Variants in NSD1 observed in about 807,000 individuals in gnomAD.
The protein encoded by NSD1 is nuclear receptor binding SET domain protein 1.
Under a neutral mutation model 242.7 loss-of-function variants are expected in NSD1, and 26 were observed. The observed-to-expected ratio is 0.11, with a 90% CI of 0.08 to 0.15. The LOEUF (loss-of-function observed/expected upper bound fraction) is 0.15. NSD1 is among the 10% of genes least tolerant of loss of function. The pLI is 1.00. For missense variants in NSD1, 2,495 were observed against 3,272.8 expected, an observed-to-expected ratio of 0.76 and a Z score of 5.80; for synonymous variants, 1,106 against 1,178.1, an observed-to-expected ratio of 0.94 and a Z score of 1.25.
intron 2 of NSD1, among the ~76,000 whole-genome samples, chr5:177,144,857 G>T (rs1429524629): frequency 6.6e-6 from 1 of 151,994 alleles, no homozygotes; most frequent in Non-Finnish European, 1.5e-5. Context: ...TGAGGGGGTG[G>T]ATTATCTGAG....
At chr5:177,158,294 TTTCTTTCTTTTC>T (rs1562130663) in intron 2 of NSD1, among the ~76,000 whole-genome samples, 4 of 23,688 alleles carry the variant, frequency 1.7e-4, no homozygotes, top group African/African-American at 1.1e-3. Context: ...TCTTTCTTTC[TTTCTTTCTTTTC>T]TTTCTTTTCT....
chr5:177,149,144 C>T (rs1258455862), intron 2 of NSD1, among the ~76,000 whole-genome samples: 1 of 152,132 alleles, frequency 6.6e-6, no homozygotes, highest in Non-Finnish European at 1.5e-5. Flanking sequence ...TATGCATCCT[C>T]ACCAGCATTT....
At chr5:177,222,850 A>G (rs1764345718) in intron 5 of NSD1, among the ~76,000 whole-genome samples, 1 of 152,166 alleles carries the variant, frequency 6.6e-6, no homozygotes, top group Non-Finnish European at 1.5e-5. Flanking sequence ...GTTTGATCAT[A>G]TACCTTGAAT....
At chr5:177,235,218 G>A (rs2149882922) in intron 5 of NSD1, among the ~76,000 whole-genome samples, 1 of 152,150 alleles carries the variant, frequency 6.6e-6, no homozygotes, top group Admixed American at 6.5e-5. Flanking sequence ...GCTTTCTTAT[G>A]GTTCACTGTA....
rs548121758 is a variant in NSD1 at position 177,250,920 on chromosome 5, G to A, written c.4642-810G>A. On this transcript the variant is annotated intron_variant, in intron 11 of 22. Coordinates refer to ENST00000439151, the MANE Select transcript of NSD1 (RefSeq NM_022455.5). ...CTTTAAAAATATTTGGGCTGGGTGC[G>A]GTGGCTCACACCTGTAATCCCAGCA... Among the ~76,000 whole-genome samples the A allele has an allele frequency of 6.6e-5, 10 of 152,230 alleles. No individual in the cohort carries two copies. The South Asian group carries it at 1.9e-3, about 28-fold the overall frequency.
intron 20 of NSD1, among the ~76,000 whole-genome samples, chr5:177,284,817 A>G (rs1759175988): frequency 6.6e-6 from 1 of 152,188 alleles, no homozygotes; most frequent in African/African-American, 2.4e-5. Flanking sequence ...TTAAAAATAA[A>G]CCACTGGGTG....
At chr5:177,159,129 G>A (rs79783243) in intron 2 of NSD1, among the ~76,000 whole-genome samples, 12 of 149,440 alleles carry the variant, frequency 8.0e-5, no homozygotes, top group African/African-American at 2.5e-4. Flanking sequence ...GGCAGCCTCC[G>A]CCTCCGGGGT....
intron 2 of NSD1, among the ~76,000 whole-genome samples, chr5:177,157,107 A>C (rs894120860): frequency 6.6e-6 from 1 of 151,914 alleles, no homozygotes; most frequent in Admixed American, 6.6e-5. Context: ...GTGGCTCACA[A>C]CTGTAATCCT....
At chr5:177,141,639 TCAAA>T (rs960505774) in intron 2 of NSD1, among the ~76,000 whole-genome samples, 3 of 152,054 alleles carry the variant, frequency 2.0e-5, no homozygotes, top group Non-Finnish European at 1.5e-5. Flanking sequence ...ATACCACTTC[TCAAA>T]CAGTCCTTTT....
intron 12 of NSD1, among the ~76,000 whole-genome samples, chr5:177,256,485 G>A (rs781026447): frequency 2.6e-4 from 39 of 152,052 alleles, no homozygotes; most frequent in Non-Finnish European, 5.0e-4. Context: ...GTTTTGCCAC[G>A]TTGCCTGGGC....
intron 3 of NSD1, among the ~76,000 whole-genome samples, chr5:177,193,555 G>C (rs1761868541): frequency 6.6e-6 from 1 of 152,032 alleles, no homozygotes; most frequent in Non-Finnish European, 1.5e-5. Flanking sequence ...GGGATTACAG[G>C]TGTGAGCCAC....
chr5:177,154,841 G>T (rs962069975), intron 2 of NSD1, among the ~76,000 whole-genome samples: 4 of 146,868 alleles, frequency 2.7e-5, no homozygotes, highest in Non-Finnish European at 6.0e-5. Flanking sequence ...GATTACAGTC[G>T]CCTGCCACCA....
rs1760429441 is a variant in NSD1 at position 177,299,099 on chromosome 5, C to T, written c.*3640C>T. The T allele has an allele frequency of 8.6e-6, 2 of 233,212 alleles. No individual in the cohort carries two copies. Among genetic ancestry groups the T allele is most frequent in the East Asian group, 6.0e-5 (1 of 16,590 alleles). The allele number at this position is 233,212 out of a possible 1,614,324, so 14.4% of individuals were successfully genotyped here. ...TATGGCCAGTTAGTTCTCAGCTGAGCTTCCTAGGGCCAGTGCAACAGGGCC... is the reference window on the plus strand; with the variant it reads ...TATGGCCAGTTAGTTCTCAGCTGAGTTTCCTAGGGCCAGTGCAACAGGGCC... On this transcript the variant is annotated 3_prime_UTR_variant, in exon 23 of 23. Coordinates refer to ENST00000439151, the MANE Select transcript of NSD1 (RefSeq NM_022455.5).
At chr5:177,209,586 C>G in intron 4 of NSD1, 50 bp from the exon 5 acceptor site, 2 of 1,390,098 alleles carry the variant, frequency 1.4e-6, no homozygotes, top group Non-Finnish European at 2.0e-6. Flanking sequence ...CCCTTTTCCC[C>G]CACCCATTTC....
At chr5:177,266,178 C>T in intron 14 of NSD1, 1 of 1,059,130 alleles carries the variant, frequency 9.4e-7, no homozygotes, top group Admixed American at 1.7e-5. Context: ...TGAGCATGGA[C>T]TCGTAGAAGA....
intron 2 of NSD1, among the ~76,000 whole-genome samples, chr5:177,167,204 T>G (rs541811300): frequency 6.6e-6 from 1 of 152,274 alleles, no homozygotes; most frequent in East Asian, 1.9e-4. Flanking sequence ...TGAAATGCTA[T>G]TCTTTTTCCA....
intron 2 of NSD1, among the ~76,000 whole-genome samples, chr5:177,153,365 C>G (rs1757881194): frequency 6.6e-6 from 1 of 151,886 alleles, no homozygotes; most frequent in South Asian, 2.1e-4. Flanking sequence ...TAGCATTTGT[C>G]CCACACTTAG....
intron 5 of NSD1, among the ~76,000 whole-genome samples, chr5:177,219,127 A>G (rs12332571): frequency 0.017 from 2,573 of 151,378 alleles, 82 homozygotes; most frequent in African/African-American, 0.059. Flanking sequence ...TTGTTTTTCA[A>G]TGTTGGCATT....
intron 2 of NSD1, among the ~76,000 whole-genome samples, chr5:177,160,597 C>A (rs1413399916): frequency 6.6e-6 from 1 of 151,994 alleles, no homozygotes; most frequent in African/African-American, 2.4e-5. Flanking sequence ...GCCACTGTGC[C>A]CCGCCTGCAA....
Sources: gnomAD v4.1 joint callset for allele counts (sites outside exome capture counted in the v4.1 genomes callset) on GRCh38, gnomAD v4.1.1 for gene constraint, MANE v1.5 for transcripts, NCBI Gene and HGNC (gene_info 2026-07-23, HGNC 2026-07-21) for gene names.